ZNF772: variants seen among roughly 807,000 people sequenced by gnomAD.
The protein encoded by ZNF772 is zinc finger protein 772.
A neutral mutation model predicts 11.0 loss-of-function variants in ZNF772; 8 were observed. That is an observed-to-expected ratio of 0.73 (90% confidence interval 0.43 to 1.31). The LOEUF (loss-of-function observed/expected upper bound fraction) is 1.31. Ranked by LOEUF, ZNF772 falls within the 50% of genes most tolerant of loss-of-function variation. The pLI, the probability that ZNF772 is intolerant of heterozygous loss-of-function variation, is 0.01. For synonymous variants in ZNF772, 155 were observed against 180.4 expected (o/e 0.86, Z 1.13); for missense variants, 496 against 552.3 (o/e 0.90, Z 1.02).
chr19:57,473,936 C>G lies in ZNF772; in HGVS notation c.685G>C (p.Glu229Gln). ...HCGKRHYKCS[E>Q]CGKTFSRKDS... ...TTGCGGCTGAAGGTTTTCCCACATT[C>G]ACTGCATTTGTAATGCCTTTTTCCA... Residue 229 changes from glutamate to glutamine, a missense_variant, in exon 4 of 4, where the codon GAA becomes CAA. Transcript: ENST00000356584. 6.2e-7 allele frequency: 1 copy of G among 1,614,250 alleles called. No individual in the cohort carries two copies. Among genetic ancestry groups the G allele is most frequent in the East Asian group, 2.2e-5 (1 of 44,884 alleles).
At position 57,473,824 on chromosome 19, in the gene ZNF772, G is replaced by C; in HGVS notation, c.797C>G (p.Pro266Arg). The C allele has an allele frequency of 6.2e-7, 1 of 1,613,356 alleles. No individual in the cohort carries two copies. The highest frequency in any genetic ancestry group is 8.5e-7 in the Non-Finnish European group (1 of 1,179,796). The change falls in exon 4 of 4, where the codon CCC (proline) becomes CGC (arginine). Residue 266 changes from proline (P) to arginine (R), a missense_variant. Pro to Arg is a moderately radical substitution (Grantham distance 103). Coordinates refer to ENST00000356584, the MANE Select transcript of ZNF772 (RefSeq NM_001144068.2). Reference sequence around the variant, plus strand: ...GATTCTCTGGTGCTGAGCAAGTATGGGTTTGCGGCTAAAGGTTTTCCCACA... The same window carrying C: ...GATTCTCTGGTGCTGAGCAAGTATGCGTTTGCGGCTAAAGGTTTTCCCACA... ...GECGKTFSRKPILAQHQRIHT... is the reference protein window; with the variant it reads ...GECGKTFSRKRILAQHQRIHT...
Position 57,475,927 on chromosome 19 carries a change from T to C in ZNF772, c.73-141A>G. ...ATATCAGGACCAGATGTCATTGGTG[T>C]CTTCTCTCGCCTCATGGTCCCAATG... is the stretch of plus-strand genomic sequence containing the variant. On this transcript the variant is annotated intron_variant, in intron 2 of 3. Coordinates refer to ENST00000356584, the MANE Select transcript of ZNF772 (RefSeq NM_001144068.2). The surrounding 1 kb of genome is among the most constrained non-coding windows in gnomAD (Gnocchi z 4.2). The C allele has an allele frequency of 1.6e-6, 2 of 1,224,406 alleles. No homozygotes were observed. The highest frequency in any genetic ancestry group is 2.3e-6 in the Non-Finnish European group (2 of 884,262). The allele number at this position is 1,224,406 out of a possible 1,614,324, so 75.8% of individuals were successfully genotyped here. A position where few individuals can be genotyped will look rare whatever the true frequency, so the allele number is the denominator to read the frequency against.
chr19:57,476,572 A>G, intron 2 of ZNF772, 62 bp downstream of exon 2: 5 of 1,574,604 alleles, frequency 3.2e-6, no homozygotes, highest in Non-Finnish European at 3.5e-6. Context: ...ATAACACCAC[A>G]ATGCTGGAGA....
In ZNF772 at chr19:57,473,044, T is replaced by A; in HGVS notation, c.*230A>T. On this transcript the variant is annotated 3_prime_UTR_variant, in exon 4 of 4. Coordinates refer to ENST00000356584, the MANE Select transcript of ZNF772 (RefSeq NM_001144068.2). ...AGGACTCTTCCAGCACAAAGACAGA[T>A]GGCTTCTAACAGGCACTGCCTTGAC... The A allele has an allele frequency of 1.8e-6, 1 of 559,342 alleles. No homozygotes were observed. Among genetic ancestry groups the A allele is most frequent in the Non-Finnish European group, 3.2e-6 (1 of 316,146 alleles). The allele number at this position is 559,342 out of a possible 1,614,324, so 34.6% of individuals were successfully genotyped here.
Position 57,477,372 on chromosome 19 carries a change from C to T in ZNF772, c.-63G>A, listed in dbSNP as rs2089297057. 6.9e-6 allele frequency: 11 copies of T among 1,592,352 alleles called. No homozygotes were observed. Among genetic ancestry groups the T allele is most frequent in the African/African-American group, 4.0e-5 (3 of 74,490 alleles). On this transcript the variant is annotated 5_prime_UTR_variant, in exon 1 of 4. Transcript: ENST00000356584. ...GGAACCTGGGATCAGCTGTCCAGGG[C>T]CCAGCCCAGCGGCTAGGTCACTCAG...
chr19:57,475,693 T>C lies in ZNF772; in HGVS notation c.166A>G (p.Met56Val). 1 of 1,613,874 alleles carries C rather than the reference T, an allele frequency of 6.2e-7. No homozygotes were observed. The highest frequency in any genetic ancestry group is 1.1e-5 in the South Asian group (1 of 91,064). ...GCCATAAGTGCAAAGTTCTCCAGCA[T>C]CACATCACGGTACAGGAGCCTCTGA... ...EAQRLLYRDV[M>V]LENFALMASL... Residue 56 changes from methionine to valine, a missense_variant, in exon 3 of 4, where the codon ATG becomes GTG. Transcript: ENST00000356584. The surrounding 1 kb of genome is among the most constrained non-coding windows in gnomAD (Gnocchi z 4.2).
At chr19:57,474,741 C>T (rs1355412298) in intron 3 of ZNF772, among the ~76,000 whole-genome samples, 1 of 152,134 alleles carries the variant, frequency 6.6e-6, no homozygotes. Context: ...ATGGTCCATA[C>T]CAAAGAAAAT....
chr19:57,475,444 T>C lies in ZNF772; in HGVS notation c.199+216A>G, dbSNP rs2089271545. Reference sequence around the variant, plus strand: ...ATACAATGCATAACTCCTGAATCCATGCCTGCAAGGCTCTGAGACAGCAAG... The same window carrying C: ...ATACAATGCATAACTCCTGAATCCACGCCTGCAAGGCTCTGAGACAGCAAG... On this transcript the variant is annotated intron_variant, in intron 3 of 3. Transcript: ENST00000356584. This position sits in a 1 kb window ranked among gnomAD's most constrained non-coding sequence, Gnocchi z 4.2. 6.6e-6 allele frequency among the ~76,000 whole-genome samples: 1 copy of C among 152,232 alleles called. No homozygotes were observed. Among genetic ancestry groups the C allele is most frequent in the South Asian group, 2.1e-4 (1 of 4,836 alleles).
chr19:57,473,537 C>G lies in ZNF772; in HGVS notation c.1084G>C (p.Ala362Pro), dbSNP rs752480133. The change falls in exon 4 of 4, where the codon GCA (alanine) becomes CCA (proline). Residue 362 changes from alanine to proline, a missense_variant. By Grantham distance (27) the Ala-to-Pro change is conservative. Transcript: ENST00000356584. ...LIKHWSVHTG[A>P]RPYECIACGK... ...CATGCGATGCACTCATAAGGCCTTG[C>G]TCCAGTATGAACACTCCAATGTTTA... 1.2e-6 allele frequency: 2 copies of G among 1,613,218 alleles called. No homozygotes were observed. The highest frequency in any genetic ancestry group is 1.7e-6 in the Non-Finnish European group (2 of 1,179,250).
chr19:57,473,267 T>G lies in ZNF772; in HGVS notation c.*7A>C. On this transcript the variant is annotated 3_prime_UTR_variant, in exon 4 of 4. Coordinates refer to ENST00000356584, the MANE Select transcript of ZNF772 (RefSeq NM_001144068.2). ...TGTTGAACAAGGAAACGGAATTATCTCCCATCCTAAGGCCTTTCTCCAGTG... is the reference window on the plus strand; with the variant it reads ...TGTTGAACAAGGAAACGGAATTATCGCCCATCCTAAGGCCTTTCTCCAGTG... 1 of 1,604,314 alleles carries G rather than the reference T, an allele frequency of 6.2e-7. No homozygotes were observed. The highest frequency in any genetic ancestry group is 8.5e-7 in the Non-Finnish European group (1 of 1,173,914).
rs781030529 is a variant in ZNF772 at position 57,474,372 on chromosome 19, A to G, written c.249T>C (p.Phe83=). 1.9e-6 allele frequency: 3 copies of G among 1,612,092 alleles called. No homozygotes were observed. Among genetic ancestry groups the G allele is most frequent in the Non-Finnish European group, 2.5e-6 (3 of 1,179,974 alleles). Residue 83 remains phenylalanine, a synonymous_variant, in exon 4 of 4, where the codon TTT becomes TTC. Transcript: ENST00000356584. ...EDEEIPFEQS[F]SIGMSQIRIP... is the part of the protein sequence containing the mutation. ...TCCTGATCTGTGACATTCCTATAGA[A>G]AAGCTCTGCTCAAAAGGTATCTCTT...
rs1159634605 is a variant in ZNF772, at chr19:57,477,291, T to C, written c.19A>G (p.Met7Val). 8.8e-6 allele frequency: 14 copies of C among 1,598,228 alleles called. No homozygotes were observed. The South Asian group carries it at 1.4e-4, about 16-fold the overall frequency. The change falls in exon 1 of 4, where the codon ATG (methionine) becomes GTG (valine). Residue 7 changes from methionine (M) to valine (V), a missense_variant. Coordinates refer to ENST00000356584, the MANE Select transcript of ZNF772 (RefSeq NM_001144068.2). ...GCAGCACCCACCTGTGCCGGGCCCA[T>C]CGGCTCAGCCGCCGCCATCAGGCCT... is the stretch of plus-strand genomic sequence containing the variant. Reference protein sequence around the residue: MAAAEPMGPAQVPMNSE... With the variant: MAAAEPVGPAQVPMNSE...
chr19:57,474,479 C>T (rs1388910881), intron 3 of ZNF772, 58 bp from the exon 4 acceptor site: 3 of 1,533,356 alleles, frequency 2.0e-6, no homozygotes, highest in Admixed American at 3.6e-5. Context: ...GAGGGGAAGC[C>T]TCACTACAAA....
At position 57,475,328 on chromosome 19, in the gene ZNF772, C is replaced by T. The variant is rs189498297; in HGVS notation, c.199+332G>A. 2.0e-5 allele frequency among the ~76,000 whole-genome samples: 3 copies of T among 152,280 alleles called. No homozygotes were observed. Among genetic ancestry groups the T allele is most frequent in the East Asian group, 1.9e-4 (1 of 5,188 alleles). On this transcript the variant is annotated intron_variant, in intron 3 of 3. Transcript: ENST00000356584. This position sits in a 1 kb window ranked among gnomAD's most constrained non-coding sequence, Gnocchi z 4.2. ...CAGGAAATGTCAGCTAAAGGAAGAG[C>T]GCAGAATCCCAGGCACAGAGGTGTC... is the stretch of plus-strand genomic sequence containing the variant.
In ZNF772 at chr19:57,470,187, C is replaced by A. The variant is rs1373751956; in HGVS notation, c.*3087G>T. ...GACCATCCTGGCTAACACGGTGAAA[C>A]CTCGTCTCTACTAAAAATACAAAAA... On this transcript the variant is annotated 3_prime_UTR_variant, in exon 4 of 4. Coordinates refer to ENST00000356584, the MANE Select transcript of ZNF772 (RefSeq NM_001144068.2). The A allele has an allele frequency of 6.6e-6, 1 of 152,126 alleles. No individual in the cohort carries two copies. The highest frequency in any genetic ancestry group is 2.4e-5 in the African/African-American group (1 of 41,414). 9.4% of individuals were successfully genotyped at this position (152,126 alleles called of 1,614,324 possible).
At chr19:57,476,838 G>C (rs2123160487) in intron 1 of ZNF772, among the ~76,000 whole-genome samples, 166 bp from the exon 2 acceptor site, 1 of 152,280 alleles carries the variant, frequency 6.6e-6, no homozygotes, top group Admixed American at 6.5e-5. Flanking sequence ...GCTCGGAACA[G>C]TGCTCATTAT....
chr19:57,475,152 G>T lies in ZNF772; in HGVS notation c.199+508C>A. ...GGACATGAAAGATGTATGTCCTAAGGGAAAGATAGAACAGCACTGGTCTGG... is the reference window on the plus strand; with the variant it reads ...GGACATGAAAGATGTATGTCCTAAGTGAAAGATAGAACAGCACTGGTCTGG... On this transcript the variant is annotated intron_variant, in intron 3 of 3. Coordinates refer to ENST00000356584, the MANE Select transcript of ZNF772 (RefSeq NM_001144068.2). The surrounding 1 kb of genome is among the most constrained non-coding windows in gnomAD (Gnocchi z 4.2). 1.2e-6 allele frequency: 2 copies of T among 1,614,064 alleles called. No homozygotes were observed. The highest frequency in any genetic ancestry group is 1.7e-6 in the Non-Finnish European group (2 of 1,179,972).
chr19:57,477,202 C>A, intron 1 of ZNF772, 75 bp downstream of exon 1: 1 of 1,601,256 alleles, frequency 6.2e-7, no homozygotes, highest in South Asian at 1.1e-5. Flanking sequence ...TGCAGTAACC[C>A]GAGGAATCGT....
chr19:57,469,966 G>C lies in ZNF772; in HGVS notation c.*3308C>G, dbSNP rs1270266286. 6.6e-6 allele frequency: 1 copy of C among 152,122 alleles called. No homozygotes were observed. Among genetic ancestry groups the C allele is most frequent in the African/African-American group, 2.4e-5 (1 of 41,424 alleles). 9.4% of individuals were successfully genotyped at this position (152,122 alleles called of 1,614,324 possible). A position where few individuals can be genotyped will look rare whatever the true frequency, so the allele number is the denominator to read the frequency against. On this transcript the variant is annotated 3_prime_UTR_variant, in exon 4 of 4. Coordinates refer to ENST00000356584, the MANE Select transcript of ZNF772 (RefSeq NM_001144068.2). ...AATGGAATTATTGCAGAAACTACCA[G>C]AAAGATAAGCAAAATCCCCAAATAT...
Sources: allele counts gnomAD v4.1 joint callset (sites outside exome capture counted in the v4.1 genomes callset), GRCh38; gene constraint gnomAD v4.1.1; non-coding constraint Gnocchi (gnomAD v3.1); transcripts MANE v1.5; gene names NCBI Gene and HGNC (gene_info 2026-07-23, HGNC 2026-07-21).